Variants in NCAPG2 observed in about 807,000 individuals in gnomAD.
NCAPG2 encodes condensin-2 complex subunit G2.
Under a neutral mutation model 141.1 loss-of-function variants are expected in NCAPG2, and 53 were observed. The observed-to-expected ratio is 0.38, with a 90% CI of 0.30 to 0.47. The LOEUF is 0.47. Among genes scored for constraint, NCAPG2 ranks in the 20% least tolerant of loss-of-function variants. The pLI is 0.99. For missense variants in NCAPG2, 1,087 were observed against 1,389.0 expected, an observed-to-expected ratio of 0.78 and a Z score of 3.46; for synonymous variants, 499 against 490.7, an observed-to-expected ratio of 1.02 and a Z score of -0.22.
Position 158,680,101 on chromosome 7 carries a change from A to C in NCAPG2, c.1021-16T>G. The C allele has an allele frequency of 6.2e-7, 1 of 1,611,908 alleles. No homozygotes were observed. Among genetic ancestry groups the C allele is most frequent in the Non-Finnish European group, 8.5e-7 (1 of 1,178,676 alleles). ...AGTTTCTGGCCTATAATAATAAAAG[A>C]AGAGTATCTCAGAATCCCAAAGAGT... On this transcript the variant is annotated splice_polypyrimidine_tract_variant and intron_variant, in intron 10 of 27. Coordinates refer to ENST00000356309, the MANE Select transcript of NCAPG2 (RefSeq NM_017760.7).
At chr7:158,676,372 G>C (rs891515999) in intron 11 of NCAPG2, among the ~76,000 whole-genome samples, 2 of 152,188 alleles carry the variant, frequency 1.3e-5, no homozygotes, top group African/African-American at 4.8e-5. Context: ...TATGGCAAGA[G>C]AGCTCGTGGT....
intron 12 of NCAPG2, among the ~76,000 whole-genome samples, chr7:158,672,286 GTGTGTGTATATATATATATATATATATA>G (rs1487859738): frequency 1.0e-3 from 27 of 25,866 alleles, no homozygotes; most frequent in African/African-American, 1.7e-3. Context: ...ACATGTGTGT[GTGTGTGTATATATATATATATATATATA>G]TATATATATA....
intron 9 of NCAPG2, 127 bp from the exon 10 acceptor site, chr7:158,680,943 A>G: frequency 3.4e-6 from 2 of 595,078 alleles, no homozygotes; most frequent in Non-Finnish European, 5.7e-6. Flanking sequence ...GCTGGCATCC[A>G]CATGTCATGA....
In NCAPG2 at chr7:158,650,891, C is replaced by T. The variant is rs759981958; in HGVS notation, c.3016G>A (p.Gly1006Ser). The T allele has an allele frequency of 1.2e-6, 2 of 1,613,854 alleles. No homozygotes were observed. The highest frequency in any genetic ancestry group is 3.3e-5 in the Admixed American group (2 of 59,964). ...CCAGCGATCAGAGTAGAAAGTACAC[C>T]CCGGTGCACAGGGGTGTCTGTGTGC... Reference protein sequence around the residue: ...SRHTDTPVHRGVLSTLIAGPV... With the variant: ...SRHTDTPVHRSVLSTLIAGPV... Residue 1006 changes from glycine to serine, a missense_variant, in exon 24 of 28, where the codon GGT (glycine) becomes AGT (serine). Transcript: ENST00000356309.
In NCAPG2 at chr7:158,652,413, A is replaced by C. The variant is rs757775352; in HGVS notation, c.2814T>G (p.Ile938Met). ...CTTCTTCATCTGAATCTGTTTTCTG[A>C]ATCAAGGAACTTCCAGTTATCTCTT... is the stretch of plus-strand genomic sequence containing the variant. ...ILKEITGSSL[I>M]QKTDSDEEVA... The change falls in exon 23 of 28, where the codon ATT becomes ATG. Residue 938 changes from isoleucine (I) to methionine (M), a missense_variant. Ile to Met is a conservative substitution (Grantham distance 10). Transcript: ENST00000356309. The C allele has an allele frequency of 1.2e-6, 2 of 1,613,682 alleles. No individual in the cohort carries two copies. Among genetic ancestry groups the C allele is most frequent in the Non-Finnish European group, 1.7e-6 (2 of 1,179,780 alleles).
chr7:158,631,754 A>T lies in NCAPG2; in HGVS notation c.3381-37T>A, dbSNP rs775682141. 4 of 1,479,786 alleles carry T rather than the reference A, an allele frequency of 2.7e-6. No individual in the cohort carries two copies. In the South Asian group the frequency reaches 4.7e-5, roughly 17 times the overall value. The allele number at this position is 1,479,786 out of a possible 1,614,324, so 91.7% of individuals were successfully genotyped here. Reference sequence around the variant, plus strand: ...ATAAAGAAATATTTAGCTACAGAAAAAAGTGACCAAATTATCCAAATGTAC... The same window carrying T: ...ATAAAGAAATATTTAGCTACAGAAATAAGTGACCAAATTATCCAAATGTAC... On this transcript the variant is annotated intron_variant, in intron 27 of 27. Coordinates refer to ENST00000356309, the MANE Select transcript of NCAPG2 (RefSeq NM_017760.7).
intron 2 of NCAPG2, among the ~76,000 whole-genome samples, chr7:158,695,456 A>G (rs1027694302): frequency 6.6e-6 from 1 of 152,244 alleles, no homozygotes; most frequent in Non-Finnish European, 1.5e-5. Context: ...TCCTTCCTGA[A>G]AAATCAACCC....
intron 12 of NCAPG2, 115 bp from the exon 13 acceptor site, chr7:158,671,781 G>T: frequency 8.8e-7 from 1 of 1,138,472 alleles, no homozygotes; most frequent in Non-Finnish European, 1.2e-6. Context: ...AACTACTAGT[G>T]AAATAAATAT....
intron 2 of NCAPG2, among the ~76,000 whole-genome samples, chr7:158,695,662 C>G (rs547502337): frequency 4.6e-5 from 7 of 152,362 alleles, no homozygotes; most frequent in African/African-American, 1.4e-4. Flanking sequence ...AAATGTTCTA[C>G]CTCTCCCCAG....
rs771439304 is a variant in NCAPG2, at chr7:158,680,018, G to A, written c.1088C>T (p.Pro363Leu). 1.1e-5 allele frequency: 18 copies of A among 1,614,040 alleles called. 1 individual carries two copies. The highest frequency in any genetic ancestry group is 1.4e-5 in the Non-Finnish European group (17 of 1,179,962). The stretch of plus-strand genomic sequence containing the variant: ...ATCCATTTCAATAGCATGAAGGTTT[G>A]GATCCCTAATAGGAAATGCTTCAAC... Reference protein sequence around the residue: ...LFVEAFPIRDPNLHAIEMDSE... With the variant: ...LFVEAFPIRDLNLHAIEMDSE... Residue 363 changes from proline (P) to leucine (L), a missense_variant, in exon 11 of 28, where the codon CCA (proline) becomes CTA (leucine). Coordinates refer to ENST00000356309, the MANE Select transcript of NCAPG2 (RefSeq NM_017760.7).
At chr7:158,676,583 G>T (rs1435271738) in intron 11 of NCAPG2, among the ~76,000 whole-genome samples, 1 of 152,144 alleles carries the variant, frequency 6.6e-6, no homozygotes, top group Middle Eastern at 3.2e-3. Flanking sequence ...CCCATTTAGA[G>T]CTGAAATGAT....
At chr7:158,634,459 T>C (rs1830062548) in intron 27 of NCAPG2, among the ~76,000 whole-genome samples, 1 of 152,200 alleles carries the variant, frequency 6.6e-6, no homozygotes, top group African/African-American at 2.4e-5. Context: ...TCATATTCAG[T>C]ACAGGCACAA....
rs751051218 is a variant in NCAPG2 at position 158,654,548 on chromosome 7, A to G, written c.2746+47T>C. The G allele has an allele frequency of 1.4e-5, 22 of 1,557,522 alleles. No individual in the cohort carries two copies. In the African/African-American group the frequency reaches 1.8e-4, roughly 13 times the overall value. On this transcript the variant is annotated intron_variant, in intron 22 of 27. Transcript: ENST00000356309. Reference sequence around the variant, plus strand: ...ACACAGTAAAGGAGGGAGGGAGGGAAGGACTGGTTCTGAGTATTTATTGCT... The same window carrying G: ...ACACAGTAAAGGAGGGAGGGAGGGAGGGACTGGTTCTGAGTATTTATTGCT...
chr7:158,640,690 C>A (rs928247704), intron 27 of NCAPG2: 2 of 151,936 alleles, frequency 1.3e-5, no homozygotes, highest in Non-Finnish European at 2.9e-5. Context: ...AGTAGACATG[C>A]CTTGAAAGAA....
intron 17 of NCAPG2, among the ~76,000 whole-genome samples, chr7:158,657,344 A>T (rs1367332424): frequency 1.3e-5 from 2 of 152,244 alleles, no homozygotes; most frequent in Non-Finnish European, 2.9e-5. Context: ...CAGCTCAAAT[A>T]GCCAAAGCCC....
chr7:158,699,067 A>T (rs1186433271), intron 2 of NCAPG2, among the ~76,000 whole-genome samples: 1 of 152,162 alleles, frequency 6.6e-6, no homozygotes, highest in Non-Finnish European at 1.5e-5. Context: ...TACAGAGGTG[A>T]GTCACTGTGC....
Position 158,656,669 on chromosome 7 carries a change from C to A in NCAPG2, c.2097G>T (p.Glu699Asp), listed in dbSNP as rs1832001791. Residue 699 changes from glutamate (E) to aspartate (D), a missense_variant, in exon 18 of 28, where the codon GAG becomes GAT. Transcript: ENST00000356309. The part of the protein sequence containing the change: ...GVISTLRSRE[E>D]GAVDKSYCTL... ...TGCAGTAGCTCTTGTCCACAGCGCC[C>A]TCCTCCCGGCTTCTCAGCGTGGAAA... is the stretch of plus-strand genomic sequence containing the variant. 1 of 1,614,078 alleles carries A rather than the reference C, an allele frequency of 6.2e-7. No individual in the cohort carries two copies. The highest frequency in any genetic ancestry group is 8.5e-7 in the Non-Finnish European group (1 of 1,180,032).
At chr7:158,697,057 G>C (rs979968392) in intron 2 of NCAPG2, among the ~76,000 whole-genome samples, 5 of 152,084 alleles carry the variant, frequency 3.3e-5, no homozygotes, top group Non-Finnish European at 7.4e-5. Flanking sequence ...CATTGTTTTA[G>C]AGTATATTCC....
At chr7:158,637,914 C>T (rs879333677) in intron 27 of NCAPG2, among the ~76,000 whole-genome samples, 9 of 152,132 alleles carry the variant, frequency 5.9e-5, no homozygotes, top group East Asian at 3.9e-4. Flanking sequence ...GAGGCCGAGG[C>T]GGGCGGATCA....
Sources: gnomAD v4.1 joint callset for allele counts (sites outside exome capture counted in the v4.1 genomes callset) on GRCh38, gnomAD v4.1.1 for gene constraint, MANE v1.5 for transcripts, NCBI Gene and HGNC (gene_info 2026-07-23, HGNC 2026-07-21) for gene names.